The following BRINP1 variants were observed in gnomAD, a reference collection of about 807,000 sequenced individuals.
BRINP1 encodes BMP/retinoic acid inducible neural specific 1.
Under a neutral mutation model 72.9 loss-of-function variants are expected in BRINP1, and 17 were observed. The observed-to-expected ratio is 0.23, with a 90% CI of 0.16 to 0.35. The LOEUF (loss-of-function observed/expected upper bound fraction) is 0.35, where lower values mean the gene tolerates loss of function less well. BRINP1 is among the 10% of genes least tolerant of loss of function. The probability of loss-of-function intolerance (pLI) is 1.00; values close to 1 mark genes in which losing one functional copy is unlikely to be tolerated. For missense variants in BRINP1, 850 were observed against 1,001.6 expected (o/e 0.85, Z 2.04); for synonymous variants, 418 against 378.5 (o/e 1.10, Z -1.21).
At chr9:119,344,081 C>T (rs1025698546) in intron 1 of BRINP1, among the ~76,000 whole-genome samples, 3 of 152,222 alleles carry the variant, frequency 2.0e-5, no homozygotes, top group South Asian at 4.2e-4. Context: ...GGGGAGGAAG[C>T]GGGAGTCAGA....
intron 2 of BRINP1, among the ~76,000 whole-genome samples, chr9:119,268,185 G>A (rs555629353): frequency 6.6e-6 from 1 of 152,072 alleles, no homozygotes; most frequent in South Asian, 2.1e-4. Context: ...GGTGGTTGCA[G>A]TGAGCCAAGA....
chr9:119,219,926 G>A (rs187756230), intron 5 of BRINP1, among the ~76,000 whole-genome samples: 4 of 152,116 alleles, frequency 2.6e-5, no homozygotes, highest in Admixed American at 2.0e-4. Context: ...AGCGGGAAGA[G>A]CATGGAAAAG....
intron 2 of BRINP1, among the ~76,000 whole-genome samples, chr9:119,285,684 C>A (rs1394492739): frequency 1.3e-5 from 2 of 152,142 alleles, no homozygotes; most frequent in Non-Finnish European, 2.9e-5. Context: ...CCTCCTCATT[C>A]TTTCTATTTA....
chr9:119,182,555 C>T (rs1054769208), intron 7 of BRINP1, among the ~76,000 whole-genome samples: 2 of 152,162 alleles, frequency 1.3e-5, no homozygotes, highest in African/African-American at 4.8e-5. Context: ...GAAAGTGGAG[C>T]TCTCACTAGT....
At chr9:119,294,710 A>G (rs1333275538) in intron 2 of BRINP1, among the ~76,000 whole-genome samples, 1 of 151,860 alleles carries the variant, frequency 6.6e-6, no homozygotes, top group Non-Finnish European at 1.5e-5. Flanking sequence ...TACTAAAAAT[A>G]CAAAAATTAG....
At chr9:119,308,287 C>G (rs1831019182) in intron 2 of BRINP1, among the ~76,000 whole-genome samples, 1 of 152,154 alleles carries the variant, frequency 6.6e-6, no homozygotes, top group Admixed American at 6.5e-5. Context: ...AAATCTAGCT[C>G]TTTTACTGCA....
intron 2 of BRINP1, among the ~76,000 whole-genome samples, chr9:119,263,691 T>C (rs1477158171): frequency 8.2e-6 from 1 of 122,380 alleles, no homozygotes; most frequent in Non-Finnish European, 1.6e-5. Context: ...CACTGCAAAC[T>C]CCGCCTCCTG....
chr9:119,175,660 C>T (rs1373845816), intron 7 of BRINP1, among the ~76,000 whole-genome samples: 1 of 152,140 alleles, frequency 6.6e-6, no homozygotes, highest in African/African-American at 2.4e-5. Flanking sequence ...AATCTGATTT[C>T]AGCCACCAAA....
intron 1 of BRINP1, among the ~76,000 whole-genome samples, chr9:119,356,522 G>T (rs1161163994): frequency 1.3e-5 from 2 of 152,156 alleles, no homozygotes; most frequent in Non-Finnish European, 2.9e-5. Context: ...TGTTTGTTTA[G>T]CTGGGCACAG....
At chr9:119,296,928 T>A (rs542265366) in intron 2 of BRINP1, among the ~76,000 whole-genome samples, 92 of 152,248 alleles carry the variant, frequency 6.0e-4, no homozygotes, top group Non-Finnish European at 1.2e-3. Flanking sequence ...ATAAGTAAGT[T>A]CTGGAGAGCT....
rs1831714474 is a variant in BRINP1 at position 119,368,087 on chromosome 9, C to T, written c.-51+969G>A. 1.3e-5 allele frequency among the ~76,000 whole-genome samples: 2 copies of T among 152,226 alleles called. No individual in the cohort carries two copies. The highest frequency in any genetic ancestry group is 2.9e-5 in the Non-Finnish European group (2 of 68,032). On this transcript the variant is annotated intron_variant, in intron 1 of 7. Coordinates refer to ENST00000265922, the MANE Select transcript of BRINP1 (RefSeq NM_014618.3). The surrounding 1 kb of genome is among the most constrained non-coding windows in gnomAD (Gnocchi z 4.7). ...TTGCAACTGTGATGGATGAGCAAGT[C>T]CCCGAGGACGCTTTCTCCTTTCCCC...
At chr9:119,359,885 G>T (rs1219386397) in intron 1 of BRINP1, among the ~76,000 whole-genome samples, 1 of 152,138 alleles carries the variant, frequency 6.6e-6, no homozygotes, top group African/African-American at 2.4e-5. Context: ...TCCAAGAACG[G>T]CTTTAGGGCA....
chr9:119,282,849 A>T, intron 2 of BRINP1: 3 of 985,228 alleles, frequency 3.0e-6, no homozygotes, highest in Non-Finnish European at 3.6e-6. Flanking sequence ...GAGAGACAGC[A>T]GTGATAGATT....
chr9:119,295,504 G>A (rs1348579813), intron 2 of BRINP1, among the ~76,000 whole-genome samples: 3 of 152,042 alleles, frequency 2.0e-5, no homozygotes, highest in Non-Finnish European at 2.9e-5. Context: ...GTAATACAAT[G>A]GTAAATATTC....
chr9:119,269,604 C>G (rs1830587267), intron 2 of BRINP1, among the ~76,000 whole-genome samples: 1 of 152,180 alleles, frequency 6.6e-6, no homozygotes, highest in African/African-American at 2.4e-5. Flanking sequence ...GTTTAATCCT[C>G]AAGGCTGCCT....
chr9:119,274,848 G>GTATAGA (rs1564235577), intron 2 of BRINP1, among the ~76,000 whole-genome samples: 1 of 151,770 alleles, frequency 6.6e-6, no homozygotes, highest in African/African-American at 2.4e-5. Flanking sequence ...TCTAATTAAG[G>GTATAGA]TATAGATATA....
chr9:119,293,763 A>C (rs1830844345), intron 2 of BRINP1, among the ~76,000 whole-genome samples: 1 of 152,192 alleles, frequency 6.6e-6, no homozygotes, highest in Non-Finnish European at 1.5e-5. Context: ...AAAAGAAAAA[A>C]AAGAAAACGA....
intron 2 of BRINP1, among the ~76,000 whole-genome samples, chr9:119,262,817 G>A (rs1256031424): frequency 1.3e-5 from 2 of 152,048 alleles, no homozygotes; most frequent in African/African-American, 4.8e-5. Flanking sequence ...TGAACAGTTG[G>A]AGTGGATTAG....
intron 1 of BRINP1, among the ~76,000 whole-genome samples, chr9:119,345,245 C>T (rs900118232): frequency 6.6e-6 from 1 of 152,160 alleles, no homozygotes; most frequent in African/African-American, 2.4e-5. Flanking sequence ...AATTTTTGTT[C>T]TCTTAACTCC....
Sources: gnomAD v4.1 joint callset for allele counts (sites outside exome capture counted in the v4.1 genomes callset) on GRCh38, gnomAD v4.1.1 for gene constraint, Gnocchi (gnomAD v3.1) non-coding constraint, MANE v1.5 for transcripts, NCBI Gene and HGNC (gene_info 2026-07-23, HGNC 2026-07-21) for gene names.